The following CHRNB3 variants were observed in gnomAD, a reference collection of about 807,000 sequenced individuals.
CHRNB3 encodes the protein neuronal acetylcholine receptor subunit beta-3.
CHRNB3 carries 37 observed loss-of-function variants against 40.6 expected under a neutral mutation model. The observed-to-expected ratio is 0.91, with a 90% CI of 0.70 to 1.20. The LOEUF is 1.20. Among genes scored for constraint, CHRNB3 ranks in the 50% most tolerant of loss-of-function variants. The pLI is 0.00. For synonymous variants in CHRNB3, 207 were observed against 207.1 expected, an observed-to-expected ratio of 1.00 and a Z score of 0.00; for missense variants, 505 against 551.2, an observed-to-expected ratio of 0.92 and a Z score of 0.84.
At position 42,732,523 on chromosome 8, in the gene CHRNB3, G is replaced by A; in HGVS notation, c.1216G>A (p.Val406Met). The A allele has an allele frequency of 6.3e-7, 1 of 1,599,974 alleles. No homozygotes were observed. The highest frequency in any genetic ancestry group is 8.5e-7 in the Non-Finnish European group (1 of 1,175,224). Residue 406 changes from valine to methionine, a missense_variant, in exon 5 of 6, where the codon GTG becomes ATG. Transcript: ENST00000289957. ...TTCCATTAGATACATTTCGAGACAT[G>A]TGAAGAAAGAACATTTTATCAGCCA... ...ADSIRYISRH[V>M]KKEHFISQVV...
At chr8:42,701,527 G>A (rs886707014) in intron 1 of CHRNB3, among the ~76,000 whole-genome samples, 1 of 152,122 alleles carries the variant, frequency 6.6e-6, no homozygotes, top group African/African-American at 2.4e-5. Flanking sequence ...TGGCAACAGA[G>A]CAAGGCCCTG....
chr8:42,732,619 TTAC>T (rs1306829674), intron 5 of CHRNB3, 70 bp downstream of exon 5: 1 of 1,380,966 alleles, frequency 7.2e-7, no homozygotes, highest in African/African-American at 1.5e-5. Context: ...TGACATCTGT[TTAC>T]AATAAAATAT....
At chr8:42,708,963 A>G (rs937314902) in intron 2 of CHRNB3, 95 bp downstream of exon 2, 6 of 1,268,156 alleles carry the variant, frequency 4.7e-6, no homozygotes, top group South Asian at 1.9e-5. Flanking sequence ...CTGCCATTTC[A>G]ATTTTAAAAA....
chr8:42,717,659 G>A (rs1171786834), intron 3 of CHRNB3, among the ~76,000 whole-genome samples: 1 of 151,670 alleles, frequency 6.6e-6, no homozygotes, highest in Non-Finnish European at 1.5e-5. Flanking sequence ...ATAAACTTGG[G>A]CAAGTCACTT....
chr8:42,711,537 G>T (rs1816016688), intron 3 of CHRNB3, among the ~76,000 whole-genome samples: 1 of 151,886 alleles, frequency 6.6e-6, no homozygotes, highest in African/African-American at 2.4e-5. Flanking sequence ...TGGGATTACA[G>T]GTGCCCGCCA....
intron 1 of CHRNB3, among the ~76,000 whole-genome samples, chr8:42,702,345 G>A (rs544474828): frequency 8.5e-5 from 13 of 152,140 alleles, no homozygotes; most frequent in South Asian, 8.3e-4. Context: ...GCACCACCCA[G>A]GCTGGTCTCA....
intron 3 of CHRNB3, among the ~76,000 whole-genome samples, chr8:42,719,201 A>C (rs975572931): frequency 3.9e-5 from 6 of 152,192 alleles, no homozygotes; most frequent in Non-Finnish European, 5.9e-5. Flanking sequence ...AGCCCCTTAG[A>C]GAACGAGATA....
At chr8:42,711,132 A>G (rs769592085) in intron 3 of CHRNB3, among the ~76,000 whole-genome samples, 2 of 152,104 alleles carry the variant, frequency 1.3e-5, no homozygotes, top group Non-Finnish European at 2.9e-5. Flanking sequence ...CCAGTTTCGC[A>G]TATGTTATCT....
At chr8:42,701,813 T>C (rs2128904194) in intron 1 of CHRNB3, among the ~76,000 whole-genome samples, 1 of 152,332 alleles carries the variant, frequency 6.6e-6, no homozygotes, top group South Asian at 2.1e-4. Flanking sequence ...TCTGACAGTC[T>C]TTTGTATCTT....
Position 42,712,994 on chromosome 8 carries a change from T to G in CHRNB3, c.249+2560T>G, listed in dbSNP as rs1816043581. Among the ~76,000 whole-genome samples the G allele has an allele frequency of 2.0e-5, 3 of 151,618 alleles. No homozygotes were observed. In the Admixed American group the frequency reaches 2.0e-4, roughly 10 times the overall value. Reference sequence around the variant, plus strand: ...CTTCTGCCTCAGCCTCCTGAGTAGCTGGGACTACAGGCACGTGCCACCATA... The same window carrying G: ...CTTCTGCCTCAGCCTCCTGAGTAGCGGGGACTACAGGCACGTGCCACCATA... On this transcript the variant is annotated intron_variant, in intron 3 of 5. Transcript: ENST00000289957.
Position 42,736,486 on chromosome 8 carries a change from A to G in CHRNB3, c.1245A>G (p.Val415=), listed in dbSNP as rs375232503. Residue 415 remains valine (V), a splice_region_variant and synonymous_variant, in exon 6 of 6, where the codon GTA becomes GTG. Coordinates refer to ENST00000289957, the MANE Select transcript of CHRNB3 (RefSeq NM_000749.5). ...HVKKEHFISQ[V]VQDWKFVAQV... Reference sequence around the variant, plus strand: ...AGGCATCTTTTTCTCTTTTGCAGGTAGTACAAGACTGGAAATTTGTAGCTC... The same window carrying G: ...AGGCATCTTTTTCTCTTTTGCAGGTGGTACAAGACTGGAAATTTGTAGCTC... The G allele has an allele frequency of 1.7e-5, 27 of 1,614,124 alleles. No individual in the cohort carries two copies. Among genetic ancestry groups the G allele is most frequent in the South Asian group, 1.4e-4 (13 of 91,056 alleles).
chr8:42,702,917 T>C (rs961848592), intron 1 of CHRNB3, among the ~76,000 whole-genome samples: 3 of 152,182 alleles, frequency 2.0e-5, no homozygotes, highest in East Asian at 3.9e-4. Context: ...TAAGGGAAGA[T>C]GGCTGGCCTG....
chr8:42,724,174 A>G (rs1271583401), intron 3 of CHRNB3, among the ~76,000 whole-genome samples: 2 of 152,074 alleles, frequency 1.3e-5, no homozygotes, highest in East Asian at 3.9e-4. Context: ...AGGCGGGCAG[A>G]TCACCTGGTC....
chr8:42,713,004 G>A (rs1374294549), intron 3 of CHRNB3, among the ~76,000 whole-genome samples: 1 of 151,800 alleles, frequency 6.6e-6, no homozygotes. Context: ...TGGGACTACA[G>A]GCACGTGCCA....
At chr8:42,711,453 G>A (rs956192658) in intron 3 of CHRNB3, among the ~76,000 whole-genome samples, 1 of 151,848 alleles carries the variant, frequency 6.6e-6, no homozygotes, top group Admixed American at 6.6e-5. Context: ...GGAGTGCAGT[G>A]GCATGATCTC....
rs554720274 is a variant in CHRNB3 at position 42,725,321 on chromosome 8, C to A, written c.250-5273C>A. Reference sequence around the variant, plus strand: ...GTCAGGCTGGTCTCAAACTCCTGACCTCAGGTGATCTGCCCACCTCGGCCT... The same window carrying A: ...GTCAGGCTGGTCTCAAACTCCTGACATCAGGTGATCTGCCCACCTCGGCCT... On this transcript the variant is annotated intron_variant, in intron 3 of 5. Coordinates refer to ENST00000289957, the MANE Select transcript of CHRNB3 (RefSeq NM_000749.5). Among the ~76,000 whole-genome samples, 3 of 152,022 alleles carry A rather than the reference C, an allele frequency of 2.0e-5. No individual in the cohort carries two copies. The East Asian group carries it at 5.9e-4, about 30-fold the overall frequency.
intron 2 of CHRNB3, 121 bp downstream of exon 2, chr8:42,708,989 G>C (rs1815966580): frequency 2.7e-6 from 3 of 1,115,424 alleles, no homozygotes. Flanking sequence ...TACTGTGAGA[G>C]AAAATCTGCC....
At position 42,722,382 on chromosome 8, in the gene CHRNB3, GA is replaced by G. The variant is rs201657442; in HGVS notation, c.250-8202del. Reference sequence around the variant, plus strand: ...TCCATTAAAAAGAAAAAAAAGAAAAGAAAAAAAAAAGATCTCTTGGTGTGCC... The same window carrying G: ...TCCATTAAAAAGAAAAAAAAGAAAAGAAAAAAAAAGATCTCTTGGTGTGCC... On this transcript the variant is annotated intron_variant, in intron 3 of 5. Coordinates refer to ENST00000289957, the MANE Select transcript of CHRNB3 (RefSeq NM_000749.5). Among the ~76,000 whole-genome samples, 63 of 148,036 alleles carry G rather than the reference GA, an allele frequency of 4.3e-4. 1 individual carries two copies. Among genetic ancestry groups the G allele is most frequent in the African/African-American group, 1.2e-3 (47 of 40,282 alleles).
At chr8:42,719,788 G>A (rs62518196) in intron 3 of CHRNB3, among the ~76,000 whole-genome samples, 4,883 of 152,226 alleles carry the variant, frequency 0.032, 124 homozygotes, top group Middle Eastern at 0.11. Context: ...AGCAGCTGGA[G>A]ATCAGTGACT....
Sources: gnomAD v4.1 joint callset for allele counts (sites outside exome capture counted in the v4.1 genomes callset) on GRCh38, gnomAD v4.1.1 for gene constraint, MANE v1.5 for transcripts, NCBI Gene and HGNC (gene_info 2026-07-23, HGNC 2026-07-21) for gene names.